FBXO25: variants seen among roughly 807,000 people sequenced by gnomAD.
FBXO25 encodes the protein F-box only protein 25.
A neutral mutation model predicts 51.9 loss-of-function variants in FBXO25; 45 were observed. The ratio of observed to expected loss-of-function variants is 0.87; its 90% CI spans 0.68 to 1.11. The LOEUF (loss-of-function observed/expected upper bound fraction) is 1.11. Among genes scored for constraint, FBXO25 ranks in the 50% most tolerant of loss-of-function variants. FBXO25 has a pLI of 0.00. For synonymous variants in FBXO25, 199 were observed against 151.0 expected, an observed-to-expected ratio of 1.32 and a Z score of -2.33; for missense variants, 507 against 428.5, an observed-to-expected ratio of 1.18 and a Z score of -1.62.
At chr8:454,140 C>T (rs1025042425) in intron 7 of FBXO25, among the ~76,000 whole-genome samples, 8 of 152,022 alleles carry the variant, frequency 5.3e-5, no homozygotes, top group Non-Finnish European at 1.2e-4. Context: ...AGAAATACCT[C>T]GACACCCCTT....
chr8:438,669 C>G (rs1051402712), intron 5 of FBXO25, among the ~76,000 whole-genome samples: 3 of 152,218 alleles, frequency 2.0e-5, no homozygotes, highest in Non-Finnish European at 4.4e-5. Context: ...CCCATCAGTG[C>G]TGGCATCGCT....
intron 5 of FBXO25, among the ~76,000 whole-genome samples, chr8:444,559 GA>G (rs760600510): frequency 4.0e-5 from 6 of 151,784 alleles, no homozygotes; most frequent in Middle Eastern, 3.4e-3. Flanking sequence ...ATTGATGTGT[GA>G]AAAAAAATAC....
chr8:475,392 T>G lies in FBXO25; in HGVS notation c.*6588T>G, dbSNP rs1800611968. ...AGGAAGTGAGAGACCTCCTACTTGGTTCCCTTTCAAGATGATTTTGGCTGT... is the reference window on the plus strand; with the variant it reads ...AGGAAGTGAGAGACCTCCTACTTGGGTCCCTTTCAAGATGATTTTGGCTGT... On this transcript the variant is annotated 3_prime_UTR_variant, in exon 10 of 10. Transcript: ENST00000350302. The G allele has an allele frequency of 6.4e-6, 1 of 155,914 alleles. No individual in the cohort carries two copies. The highest frequency in any genetic ancestry group is 2.4e-5 in the African/African-American group (1 of 41,458). 9.7% of individuals were successfully genotyped at this position (155,914 alleles called of 1,614,324 possible).
rs1476831487 is a variant in FBXO25 at position 475,708 on chromosome 8, ATTGC to A, written c.*6908_*6911del. 1 of 151,918 alleles carries A rather than the reference ATTGC, an allele frequency of 6.6e-6. No individual in the cohort carries two copies. The highest frequency in any genetic ancestry group is 1.5e-5 in the Non-Finnish European group (1 of 67,996). The allele number at this position is 151,918 out of a possible 1,614,324, so 9.4% of individuals were successfully genotyped here. On this transcript the variant is annotated 3_prime_UTR_variant, in exon 10 of 10. Transcript: ENST00000350302. The stretch of plus-strand genomic sequence containing the variant: ...GAATTTTCTTAAATTTCCTTTTGAG[ATTGC>A]TTGTTATTGTATAGAAATATCATGG...
At chr8:458,627 A>C in intron 8 of FBXO25, 76 bp downstream of exon 8, 3 of 1,369,674 alleles carry the variant, frequency 2.2e-6, no homozygotes, top group Non-Finnish European at 3.0e-6. Context: ...CTATAAACTC[A>C]CCTGGAGAGA....
In FBXO25 at chr8:451,967, T is replaced by C. The variant is rs111892992; in HGVS notation, c.660+514T>C. Among the ~76,000 whole-genome samples the C allele has an allele frequency of 1.6e-3, 243 of 152,334 alleles. 3 individuals are homozygous for C. The highest frequency in any genetic ancestry group is 6.8e-3 in the Middle Eastern group (2 of 294). On this transcript the variant is annotated intron_variant, in intron 7 of 9. Transcript: ENST00000350302. ...TGGTAACTAGTTTCAACAAGAATAATGTTAACACCATTGCCCCGAGTATTT... is the reference window on the plus strand; with the variant it reads ...TGGTAACTAGTTTCAACAAGAATAACGTTAACACCATTGCCCCGAGTATTT...
intron 2 of FBXO25, among the ~76,000 whole-genome samples, chr8:416,003 G>A (rs1367182980): frequency 6.6e-6 from 1 of 152,166 alleles, no homozygotes; most frequent in Admixed American, 6.5e-5. Flanking sequence ...ACAAGGGAGT[G>A]TGTAGTCAAA....
chr8:454,899 AAAAAG>A (rs1375842403), intron 7 of FBXO25, among the ~76,000 whole-genome samples: 4 of 142,190 alleles, frequency 2.8e-5, no homozygotes, highest in African/African-American at 1.1e-4. Flanking sequence ...TCAAAAAAAG[AAAAAG>A]AAAAAGAAAA....
At chr8:424,270 G>T (rs1797337178) in intron 2 of FBXO25, among the ~76,000 whole-genome samples, 2 of 152,002 alleles carry the variant, frequency 1.3e-5, no homozygotes, top group African/African-American at 4.8e-5. Flanking sequence ...TTAGGCCTTT[G>T]TCAGACGCAT....
At position 476,561 on chromosome 8, in the gene FBXO25, T is replaced by G. The variant is rs1246933009; in HGVS notation, c.*7757T>G. On this transcript the variant is annotated 3_prime_UTR_variant, in exon 10 of 10. Transcript: ENST00000350302. ...CATAGGTCTGTTCAGATTTTCCATT[T>G]CTTCATGATTCAATCTTGATAGGCT... 1 of 152,216 alleles carries G rather than the reference T, an allele frequency of 6.6e-6. No homozygotes were observed. The highest frequency in any genetic ancestry group is 1.5e-5 in the Non-Finnish European group (1 of 68,020). 9.4% of individuals were successfully genotyped at this position (152,216 alleles called of 1,614,324 possible). A position where few individuals can be genotyped will look rare whatever the true frequency, so the allele number is the denominator to read the frequency against.
intron 7 of FBXO25, among the ~76,000 whole-genome samples, chr8:457,161 GCCACC>G (rs1799494499): frequency 6.6e-6 from 1 of 152,156 alleles, no homozygotes; most frequent in South Asian, 2.1e-4. Context: ...CGACAGAAGC[GCCACC>G]CCAGACTGGG....
chr8:407,307 G>C (rs1383882234), intron 1 of FBXO25: 4 of 953,592 alleles, frequency 4.2e-6, no homozygotes, highest in Admixed American at 6.3e-5. Context: ...GGTGGGGACG[G>C]GGTTGTCGCG....
chr8:468,181 T>G, intron 9 of FBXO25: 1 of 1,015,644 alleles, frequency 9.8e-7, no homozygotes, highest in Non-Finnish European at 1.2e-6. Context: ...GATCCTTAGG[T>G]ATGTGAGCAT....
intron 7 of FBXO25, 128 bp from the exon 8 acceptor site, chr8:458,241 G>A (rs755323223): frequency 1.2e-5 from 13 of 1,063,842 alleles, no homozygotes; most frequent in Admixed American, 2.3e-5. Context: ...ACCTTGCGAC[G>A]CATGACATGG....
intron 2 of FBXO25, among the ~76,000 whole-genome samples, chr8:423,165 T>G (rs1042803920): frequency 6.6e-6 from 1 of 151,200 alleles, no homozygotes; most frequent in Non-Finnish European, 1.5e-5. Context: ...GTTTTCTCTC[T>G]GTCTTCCTGG....
At chr8:426,080 G>T (rs560027974) in intron 2 of FBXO25, among the ~76,000 whole-genome samples, 68 of 152,134 alleles carry the variant, frequency 4.5e-4, no homozygotes, top group African/African-American at 1.5e-3. Context: ...CATTGTGCAC[G>T]CTGTTAACCA....
At chr8:416,095 C>A (rs1434540555) in intron 2 of FBXO25, among the ~76,000 whole-genome samples, 1 of 152,200 alleles carries the variant, frequency 6.6e-6, no homozygotes, top group South Asian at 2.1e-4. Context: ...TTGCTTTTTT[C>A]ACTTGCTCAC....
chr8:462,386 G>A (rs749192959), intron 8 of FBXO25, among the ~76,000 whole-genome samples: 1 of 151,830 alleles, frequency 6.6e-6, no homozygotes, highest in Non-Finnish European at 1.5e-5. Flanking sequence ...ATATAAGTCT[G>A]TTATCACATA....
rs1232233309 is a variant in FBXO25 at position 462,998 on chromosome 8, T to G, written c.844-9T>G. 4.4e-6 allele frequency: 7 copies of G among 1,598,524 alleles called. No homozygotes were observed. The South Asian group carries it at 8.0e-5, about 18-fold the overall frequency. Reference sequence around the variant, plus strand: ...TATGCGGATTCTGAATGGAGTTTTGTTTGTTTAGTTTTGTAGACATTTGAT... The same window carrying G: ...TATGCGGATTCTGAATGGAGTTTTGGTTGTTTAGTTTTGTAGACATTTGAT... On this transcript the variant is annotated splice_polypyrimidine_tract_variant and intron_variant, in intron 8 of 9. Transcript: ENST00000350302.
Sources: gnomAD v4.1 joint callset for allele counts (sites outside exome capture counted in the v4.1 genomes callset) on GRCh38, gnomAD v4.1.1 for gene constraint, MANE v1.5 for transcripts, NCBI Gene and HGNC (gene_info 2026-07-23, HGNC 2026-07-21) for gene names.